Variants in LPCAT2 observed in about 807,000 individuals in gnomAD.
LPCAT2 encodes the protein 1-AGP acyltransferase 11.
A neutral mutation model predicts 64.7 loss-of-function variants in LPCAT2; 58 were observed. The ratio of observed to expected loss-of-function variants is 0.90; its 90% CI spans 0.73 to 1.12. The LOEUF is 1.12. Among genes scored for constraint, LPCAT2 ranks in the 50% most tolerant of loss-of-function variants. The pLI is 0.00. For synonymous variants in LPCAT2, 252 were observed against 245.3 expected (o/e 1.03, Z -0.26); for missense variants, 579 against 669.8 (o/e 0.86, Z 1.50).
intron 9 of LPCAT2, among the ~76,000 whole-genome samples, chr16:55,546,212 C>CA (rs1182604849): frequency 1.3e-5 from 2 of 151,784 alleles, no homozygotes; most frequent in African/African-American, 4.8e-5. Context: ...GTTTGCAATG[C>CA]AAAAAGAGAT....
intron 11 of LPCAT2, among the ~76,000 whole-genome samples, chr16:55,566,456 C>A (rs1179870299): frequency 3.3e-5 from 5 of 152,080 alleles, no homozygotes; most frequent in African/African-American, 1.2e-4. Flanking sequence ...CATAAAAATG[C>A]ATACTTTAAT....
chr16:55,575,347 C>G (rs1168749090), intron 12 of LPCAT2, among the ~76,000 whole-genome samples: 1 of 152,136 alleles, frequency 6.6e-6, no homozygotes, highest in Non-Finnish European at 1.5e-5. Context: ...AGACCATTTG[C>G]TTACAAGTGC....
chr16:55,526,764 G>T (rs1384285478), intron 2 of LPCAT2, among the ~76,000 whole-genome samples: 1 of 152,068 alleles, frequency 6.6e-6, no homozygotes, highest in Non-Finnish European at 1.5e-5. Flanking sequence ...AACCTAGGAT[G>T]ATAGAAGGAA....
At position 55,567,974 on chromosome 16, in the gene LPCAT2, T is replaced by C. The variant is rs371433904; in HGVS notation, c.1216-6657T>C. ...AAAATCTGTTTTTCTTGTAATTTTATACCTGGTTTTCCCATTATGTAAAAA... is the reference window on the plus strand; with the variant it reads ...AAAATCTGTTTTTCTTGTAATTTTACACCTGGTTTTCCCATTATGTAAAAA... On this transcript the variant is annotated intron_variant, in intron 11 of 13. Transcript: ENST00000262134. 4.3e-4 allele frequency among the ~76,000 whole-genome samples: 65 copies of C among 152,348 alleles called. No individual in the cohort carries two copies. In the East Asian group the frequency reaches 0.01, roughly 24 times the overall value.
chr16:55,540,109 G>C (rs535190703), intron 8 of LPCAT2: 18 of 152,168 alleles, frequency 1.2e-4, no homozygotes, highest in Admixed American at 3.9e-4. Context: ...GATATAATGA[G>C]TCTAATATTT....
chr16:55,514,580 C>T (rs1962980625), intron 1 of LPCAT2, among the ~76,000 whole-genome samples: 1 of 152,170 alleles, frequency 6.6e-6, no homozygotes, highest in South Asian at 2.1e-4. Context: ...CAACAAACAG[C>T]AACCACAACA....
In LPCAT2 at chr16:55,529,834, G is replaced by A; in HGVS notation, c.530-1G>A. The stretch of plus-strand genomic sequence containing the variant: ...CCTGTAACTTTTCATTTGTTTTAAA[G>A]GACTGTTACGGGCTGTGCAACCAGT... On this transcript the variant is annotated splice_acceptor_variant, in intron 3 of 13. Coordinates refer to ENST00000262134, the MANE Select transcript of LPCAT2 (RefSeq NM_017839.5). LOFTEE classifies it high-confidence loss of function. 1 of 1,594,200 alleles carries A rather than the reference G, an allele frequency of 6.3e-7. No homozygotes were observed. The highest frequency in any genetic ancestry group is 8.5e-7 in the Non-Finnish European group (1 of 1,170,384).
chr16:55,556,610 T>C (rs1426771787), intron 11 of LPCAT2, among the ~76,000 whole-genome samples: 2 of 152,112 alleles, frequency 1.3e-5, no homozygotes. Flanking sequence ...ACCCCGTCTC[T>C]ACTAAAAATA....
chr16:55,536,594 T>A (rs1364217673), intron 7 of LPCAT2, among the ~76,000 whole-genome samples: 2 of 152,198 alleles, frequency 1.3e-5, no homozygotes, highest in Admixed American at 6.5e-5. Context: ...TTTAACTAAA[T>A]TCTTAAGCTC....
At chr16:55,575,826 A>T (rs1238063340) in intron 12 of LPCAT2, among the ~76,000 whole-genome samples, 1 of 152,242 alleles carries the variant, frequency 6.6e-6, no homozygotes, top group Admixed American at 6.5e-5. Context: ...TGCCAGGCTT[A>T]TAAAGAACCT....
intron 9 of LPCAT2, among the ~76,000 whole-genome samples, chr16:55,547,089 G>A (rs1044581077): frequency 4.6e-5 from 7 of 151,994 alleles, no homozygotes; most frequent in African/African-American, 1.7e-4. Flanking sequence ...AGAGGTTGCA[G>A]TCAGCCAAGT....
chr16:55,578,871 G>A (rs986751613), intron 12 of LPCAT2: 16 of 382,464 alleles, frequency 4.2e-5, no homozygotes, highest in African/African-American at 3.1e-4. Flanking sequence ...TGTTCCCCAT[G>A]GAGATCCCCT....
intron 11 of LPCAT2, among the ~76,000 whole-genome samples, chr16:55,560,726 A>C (rs1220285671): frequency 6.6e-6 from 1 of 152,012 alleles, no homozygotes; most frequent in Non-Finnish European, 1.5e-5. Context: ...CCAAGGCCAC[A>C]CAGCTGGTTA....
At chr16:55,567,526 T>G (rs764794402) in intron 11 of LPCAT2, 1 of 1,602,836 alleles carries the variant, frequency 6.2e-7, no homozygotes, top group Non-Finnish European at 8.5e-7. Context: ...GAAGTCAAGA[T>G]CCTCCCTGGA....
At chr16:55,529,738 T>A in intron 3 of LPCAT2, 97 bp from the exon 4 acceptor site, 1 of 473,526 alleles carries the variant, frequency 2.1e-6, no homozygotes, top group Non-Finnish European at 3.7e-6. Context: ...ATTTACTCAT[T>A]TAAATTTTCC....
chr16:55,523,997 A>G (rs73549545), intron 1 of LPCAT2, among the ~76,000 whole-genome samples: 1,924 of 151,984 alleles, frequency 0.013, 42 homozygotes, highest in African/African-American at 0.04. Flanking sequence ...TTCCACTGAT[A>G]CTTTTAAATG....
intron 9 of LPCAT2, among the ~76,000 whole-genome samples, 164 bp downstream of exon 9, chr16:55,545,981 C>T (rs1212559146): frequency 6.6e-6 from 1 of 152,094 alleles, no homozygotes; most frequent in Non-Finnish European, 1.5e-5. Context: ...GTATAACAAT[C>T]TATAAGTATT....
Position 55,585,562 on chromosome 16 carries a change from A to G in LPCAT2, c.*2464A>G, listed in dbSNP as rs187121939. The stretch of plus-strand genomic sequence containing the variant: ...CATGGCTTCATATAGTAATATAAAA[A>G]AACTCTTTGAAGTGAGAAATATTAT... On this transcript the variant is annotated 3_prime_UTR_variant, in exon 14 of 14. Coordinates refer to ENST00000262134, the MANE Select transcript of LPCAT2 (RefSeq NM_017839.5). 1 of 152,224 alleles carries G rather than the reference A, an allele frequency of 6.6e-6. No individual in the cohort carries two copies. Among genetic ancestry groups the G allele is most frequent in the Non-Finnish European group, 1.5e-5 (1 of 68,052 alleles). 9.4% of individuals were successfully genotyped at this position (152,224 alleles called of 1,614,324 possible).
rs374397799 is a variant in LPCAT2, at chr16:55,511,715, G to A, written c.171+2363G>A. Among the ~76,000 whole-genome samples the A allele has an allele frequency of 1.8e-4, 27 of 152,228 alleles. No individual in the cohort carries two copies. The East Asian group carries it at 4.4e-3, about 25-fold the overall frequency. On this transcript the variant is annotated intron_variant, in intron 1 of 13. Coordinates refer to ENST00000262134, the MANE Select transcript of LPCAT2 (RefSeq NM_017839.5). ...TTACTGTTAGACACTATTATTTGTTGCAAACCTTGAAGATGGCACAGAAAA... is the reference window on the plus strand; with the variant it reads ...TTACTGTTAGACACTATTATTTGTTACAAACCTTGAAGATGGCACAGAAAA...
Sources: allele counts gnomAD v4.1 joint callset (sites outside exome capture counted in the v4.1 genomes callset), GRCh38; gene constraint gnomAD v4.1.1; transcripts MANE v1.5; gene names NCBI Gene and HGNC (gene_info 2026-07-23, HGNC 2026-07-21).